Variants in PXDNL observed in about 807,000 individuals in gnomAD.
PXDNL encodes the protein peroxidasin like, also known as probable oxidoreductase PXDNL.
In PXDNL, 145 loss-of-function variants were observed where a neutral mutation model predicts 150.8. The observed-to-expected ratio is 0.96, with a 90% CI of 0.84 to 1.10. The LOEUF (loss-of-function observed/expected upper bound fraction) is 1.10. Among genes scored for constraint, PXDNL ranks in the 50% least tolerant of loss-of-function variants. PXDNL has a pLI of 0.00. For synonymous variants in PXDNL, 757 were observed against 725.7 expected (o/e 1.04, Z -0.69); for missense variants, 2,087 against 1,873.9 (o/e 1.11, Z -2.10).
intron 21 of PXDNL, among the ~76,000 whole-genome samples, chr8:51,331,170 G>T (rs1241587299): frequency 6.6e-6 from 1 of 152,140 alleles, no homozygotes; most frequent in East Asian, 1.9e-4. Flanking sequence ...TGCAGAAGTG[G>T]GAAAAGGAAA....
chr8:51,363,218 C>G (rs1179580436), intron 19 of PXDNL, among the ~76,000 whole-genome samples: 1 of 152,116 alleles, frequency 6.6e-6, no homozygotes, highest in Non-Finnish European at 1.5e-5. Context: ...AAGCACTGCC[C>G]TTCATAGTCC....
At chr8:51,666,431 T>C (rs556815823) in intron 1 of PXDNL, among the ~76,000 whole-genome samples, 1 of 152,268 alleles carries the variant, frequency 6.6e-6, no homozygotes, top group East Asian at 1.9e-4. Context: ...TAAGTGTGTG[T>C]CTATACTTAG....
At chr8:51,773,461 T>G (rs770134600) in intron 1 of PXDNL, among the ~76,000 whole-genome samples, 3 of 152,176 alleles carry the variant, frequency 2.0e-5, no homozygotes, top group Non-Finnish European at 4.4e-5. Context: ...ATGCTACTAA[T>G]GAGCAGGGAG....
intron 2 of PXDNL, among the ~76,000 whole-genome samples, chr8:51,647,807 C>T (rs1585647119): frequency 6.6e-6 from 1 of 152,172 alleles, no homozygotes; most frequent in South Asian, 2.1e-4. Flanking sequence ...AAAACACTTA[C>T]AATAGTGTCT....
intron 18 of PXDNL, among the ~76,000 whole-genome samples, chr8:51,372,377 T>G (rs1807150071): frequency 6.6e-6 from 1 of 152,244 alleles, no homozygotes; most frequent in Admixed American, 6.5e-5. Flanking sequence ...TTTAAATTTT[T>G]TTTAATTTTT....
chr8:51,638,709 T>A (rs1468537761), intron 2 of PXDNL, among the ~76,000 whole-genome samples: 2 of 152,114 alleles, frequency 1.3e-5, no homozygotes, highest in East Asian at 1.9e-4. Context: ...AGCAAGTACT[T>A]AGAGACCTAC....
chr8:51,583,381 A>G (rs1262248122), intron 3 of PXDNL, among the ~76,000 whole-genome samples: 2 of 152,092 alleles, frequency 1.3e-5, no homozygotes, highest in Non-Finnish European at 2.9e-5. Context: ...GAAAGGTTGC[A>G]TGTTTCTAGA....
At chr8:51,740,336 GGTATATACCCA>G (rs1408671469) in intron 1 of PXDNL, among the ~76,000 whole-genome samples, 3 of 152,076 alleles carry the variant, frequency 2.0e-5, no homozygotes, top group African/African-American at 7.2e-5. Flanking sequence ...TATTCCTTTG[GGTATATACCCA>G]GTAATAATAT....
chr8:51,550,262 T>C (rs1230139557), intron 4 of PXDNL, among the ~76,000 whole-genome samples: 1 of 151,998 alleles, frequency 6.6e-6, no homozygotes, highest in African/African-American at 2.4e-5. Flanking sequence ...GACATCCAAA[T>C]AAGAATTGGT....
intron 17 of PXDNL, among the ~76,000 whole-genome samples, chr8:51,389,636 C>A (rs1486512449): frequency 6.6e-6 from 1 of 152,204 alleles, no homozygotes; most frequent in African/African-American, 2.4e-5. Flanking sequence ...ACATTCATTC[C>A]TGATTTCTCC....
At chr8:51,785,784 C>T in intron 1 of PXDNL, among the ~76,000 whole-genome samples, 1 of 152,142 alleles carries the variant, frequency 6.6e-6, no homozygotes, top group East Asian at 1.9e-4. Context: ...TGAAATTAGA[C>T]CAACTAATAA....
At chr8:51,558,443 A>G (rs2130548216) in intron 3 of PXDNL, among the ~76,000 whole-genome samples, 1 of 152,210 alleles carries the variant, frequency 6.6e-6, no homozygotes, top group Middle Eastern at 3.4e-3. Context: ...GAATGTTGAG[A>G]GCCACATGAC....
chr8:51,468,547 A>T (rs766945325), intron 8 of PXDNL, among the ~76,000 whole-genome samples: 2 of 151,922 alleles, frequency 1.3e-5, no homozygotes, highest in Non-Finnish European at 2.9e-5. Flanking sequence ...ATTCAATATT[A>T]TGTCTTCCAA....
intron 2 of PXDNL, among the ~76,000 whole-genome samples, chr8:51,594,563 A>G (rs572757441): frequency 6.6e-6 from 1 of 152,336 alleles, no homozygotes; most frequent in South Asian, 2.1e-4. Flanking sequence ...AAAAAATTAC[A>G]CTGAAATTAT....
intron 2 of PXDNL, among the ~76,000 whole-genome samples, chr8:51,613,192 C>A (rs1814053912): frequency 6.6e-6 from 1 of 151,846 alleles, no homozygotes; most frequent in South Asian, 2.1e-4. Flanking sequence ...AGGATGCTGT[C>A]ACTGTTCACC....
intron 2 of PXDNL, among the ~76,000 whole-genome samples, chr8:51,638,706 A>C (rs909461736): frequency 1.3e-5 from 2 of 152,050 alleles, no homozygotes; most frequent in Non-Finnish European, 2.9e-5. Context: ...TGAAGCAAGT[A>C]CTTAGAGACC....
intron 1 of PXDNL, among the ~76,000 whole-genome samples, chr8:51,765,071 G>T (rs1185090002): frequency 6.6e-6 from 1 of 152,100 alleles, no homozygotes; most frequent in Non-Finnish European, 1.5e-5. Flanking sequence ...GTCTTCAATT[G>T]TATGTTGTCT....
At chr8:51,538,436 T>G (rs1414733641) in intron 4 of PXDNL, among the ~76,000 whole-genome samples, 3 of 152,134 alleles carry the variant, frequency 2.0e-5, no homozygotes, top group Non-Finnish European at 4.4e-5. Flanking sequence ...ATAGACAATC[T>G]AATTCTAAAA....
intron 1 of PXDNL, among the ~76,000 whole-genome samples, chr8:51,659,983 G>A (rs997661555): frequency 1.1e-4 from 16 of 151,664 alleles, no homozygotes; most frequent in South Asian, 4.2e-4. Context: ...CTCCACCTCC[G>A]AGTTCAAGCG....
Sources: allele counts gnomAD v4.1 joint callset (sites outside exome capture counted in the v4.1 genomes callset), GRCh38; gene constraint gnomAD v4.1.1; transcripts MANE v1.5; gene names NCBI Gene and HGNC (gene_info 2026-07-23, HGNC 2026-07-21).